The following CLDN14 variants were observed in gnomAD, a reference collection of about 807,000 sequenced individuals.
CLDN14 encodes claudin 14.
Under a neutral mutation model 2.1 loss-of-function variants are expected in CLDN14, and 2 were observed. That is an observed-to-expected ratio of 0.96 (90% CI 0.39 to 3.01). CLDN14 has a LOEUF of 3.01. Ranked by LOEUF, CLDN14 falls within the 30% of genes most tolerant of loss-of-function variation. CLDN14 has a pLI of 0.09. For missense variants in CLDN14, 298 were observed against 328.0 expected, an observed-to-expected ratio of 0.91 and a Z score of 0.71; for synonymous variants, 136 against 154.4, an observed-to-expected ratio of 0.88 and a Z score of 0.88.
Position 36,528,650 on chromosome 21 carries a change from G to A in CLDN14, c.-219-18150C>T, listed in dbSNP as rs1473045515. 3.3e-5 allele frequency among the ~76,000 whole-genome samples: 5 copies of A among 152,140 alleles called. No homozygotes were observed. In the East Asian group the frequency reaches 9.6e-4, roughly 29 times the overall value. ...GGGGTATGTGGGTCCCTGAGTCTTC[G>A]GTCCATGCAAGGGGCATCTGTCCCT... On this transcript the variant is annotated intron_variant, in intron 1 of 2. Coordinates refer to the CLDN14 transcript ENST00000342108.
intron 1 of CLDN14, among the ~76,000 whole-genome samples, chr21:36,529,907 C>T (rs1038202181): frequency 1.3e-5 from 2 of 152,062 alleles, no homozygotes; most frequent in Admixed American, 6.5e-5. Context: ...ATGCTAATAT[C>T]GGAGCTAGCA....
intron 2 of CLDN14, among the ~76,000 whole-genome samples, chr21:36,489,131 A>ATATATAT (rs1555847002): frequency 8.8e-4 from 55 of 62,752 alleles, no homozygotes; most frequent in East Asian, 2.4e-3. Context: ...AAAAAAAAAA[A>ATATATAT]ATATATATAT....
intron 1 of CLDN14, among the ~76,000 whole-genome samples, chr21:36,538,598 G>A (rs1765768908): frequency 6.6e-6 from 1 of 151,212 alleles, no homozygotes; most frequent in African/African-American, 2.4e-5. Flanking sequence ...AGGTGACAGA[G>A]CGAGACATCG....
At chr21:36,493,412 C>A (rs1157804307) in intron 2 of CLDN14, among the ~76,000 whole-genome samples, 2 of 152,142 alleles carry the variant, frequency 1.3e-5, no homozygotes, top group Non-Finnish European at 2.9e-5. Context: ...ATGTTCTCAG[C>A]AAGACAGGGT....
intron 1 of CLDN14, among the ~76,000 whole-genome samples, chr21:36,536,229 T>A (rs1322300663): frequency 6.6e-6 from 1 of 152,204 alleles, no homozygotes; most frequent in Non-Finnish European, 1.5e-5. Context: ...CCAGCTGACA[T>A]CTGCCTGTAC....
intron 1 of CLDN14, among the ~76,000 whole-genome samples, chr21:36,552,144 G>T (rs917888042): frequency 1.3e-5 from 2 of 152,220 alleles, no homozygotes; most frequent in African/African-American, 4.8e-5. Flanking sequence ...TGAGCCAAAG[G>T]CAGGAAAACT....
chr21:36,480,174 T>A (rs1419674656), upstream of CLDN14: 1 of 152,300 alleles, frequency 6.6e-6, no homozygotes, highest in African/African-American at 2.4e-5. Flanking sequence ...CCTAGATGCA[T>A]GCTGGTCGAT....
intron 1 of CLDN14, among the ~76,000 whole-genome samples, chr21:36,563,647 G>A (rs1364321645): frequency 6.6e-6 from 1 of 152,168 alleles, no homozygotes; most frequent in Admixed American, 6.5e-5. Context: ...TTGATTTTAT[G>A]TAGGAAACGA....
chr21:36,537,838 C>T (rs4817807), intron 1 of CLDN14, among the ~76,000 whole-genome samples: 73,042 of 151,814 alleles, frequency 0.48, 19,664 homozygotes, highest in Middle Eastern at 0.63. Flanking sequence ...TTAGTAAAGA[C>T]GGGGTTTCAC....
intron 1 of CLDN14, among the ~76,000 whole-genome samples, chr21:36,521,847 C>T (rs1229322509): frequency 6.6e-6 from 1 of 152,114 alleles, no homozygotes; most frequent in Non-Finnish European, 1.5e-5. Context: ...GTTCCCTGTC[C>T]CTTCACTCTC....
Position 36,464,374 on chromosome 21 carries a change from G to A in CLDN14, c.-81-2598C>T, listed in dbSNP as rs566891307. Among the ~76,000 whole-genome samples, 61 of 152,308 alleles carry A rather than the reference G, an allele frequency of 4.0e-4. 3 individuals carry two copies. The South Asian group carries it at 0.011, about 27-fold the overall frequency. The stretch of plus-strand genomic sequence containing the variant: ...CATTGCGAGAACGGACTGATACACC[G>A]AGTATTTTTCTGCTGCTGTTTTTCT... On this transcript the variant is annotated intron_variant, in intron 1 of 1. Coordinates refer to ENST00000399135, the MANE Select transcript of CLDN14 (RefSeq NM_001146079.2).
chr21:36,482,313 AG>A (rs1400408296), upstream of CLDN14, among the ~76,000 whole-genome samples: 2 of 150,912 alleles, frequency 1.3e-5, no homozygotes, highest in African/African-American at 4.8e-5. Context: ...GATGGAAGTT[AG>A]TCAATGTTTC....
chr21:36,539,930 TGTGTGTGGAGTGA>T (rs1387112938), intron 1 of CLDN14, among the ~76,000 whole-genome samples: 1 of 151,714 alleles, frequency 6.6e-6, no homozygotes, highest in African/African-American at 2.4e-5. Flanking sequence ...CTGTGGAGTG[TGTGTGTGGAGTGA>T]GTGTATGTGT....
At position 36,498,315 on chromosome 21, in the gene CLDN14, G is replaced by C. The variant is rs1404564030; in HGVS notation, c.-82+12048C>G. The stretch of plus-strand genomic sequence containing the variant: ...TGCGCCCAGACAGGAAGATGCGTTT[G>C]TGAGCCGGGACAATTGTGAGTGGAA... On this transcript the variant is annotated intron_variant, in intron 2 of 2. Transcript: ENST00000342108. This position sits in a 1 kb window ranked among gnomAD's most constrained non-coding sequence, Gnocchi z 4.9. Among the ~76,000 whole-genome samples, 7 of 152,086 alleles carry C rather than the reference G, an allele frequency of 4.6e-5. No individual in the cohort carries two copies. Among genetic ancestry groups the C allele is most frequent in the African/African-American group, 1.7e-4 (7 of 41,416 alleles).
At chr21:36,546,040 G>A (rs1397514332) in intron 1 of CLDN14, among the ~76,000 whole-genome samples, 1 of 152,126 alleles carries the variant, frequency 6.6e-6, no homozygotes, top group Non-Finnish European at 1.5e-5. Flanking sequence ...CTGTAACCTG[G>A]GACTTATTAA....
chr21:36,567,184 G>A (rs972256753), intron 1 of CLDN14, among the ~76,000 whole-genome samples: 2 of 152,222 alleles, frequency 1.3e-5, no homozygotes, highest in Non-Finnish European at 2.9e-5. Flanking sequence ...CCTGCCTCAC[G>A]TTGGAGCTTT....
chr21:36,463,308 C>T (rs2146416201), intron 1 of CLDN14, among the ~76,000 whole-genome samples: 1 of 152,374 alleles, frequency 6.6e-6, no homozygotes, highest in East Asian at 1.9e-4. Flanking sequence ...AATCAGTAGG[C>T]AAAACCTGCT....
intron 1 of CLDN14, among the ~76,000 whole-genome samples, chr21:36,533,854 G>A (rs149399616): frequency 6.6e-6 from 1 of 152,244 alleles, no homozygotes; most frequent in East Asian, 1.9e-4. Flanking sequence ...GTGAAGGGTG[G>A]GAGGAGGGAG....
At chr21:36,506,306 A>G (rs1010987585) in intron 2 of CLDN14, among the ~76,000 whole-genome samples, 1 of 152,216 alleles carries the variant, frequency 6.6e-6, no homozygotes, top group African/African-American at 2.4e-5. Context: ...TGTAAACAAG[A>G]ACAAATGCAG....
Sources: gnomAD v4.1 joint callset for allele counts (sites outside exome capture counted in the v4.1 genomes callset) on GRCh38, gnomAD v4.1.1 for gene constraint, Gnocchi (gnomAD v3.1) non-coding constraint, MANE v1.5 for transcripts, NCBI Gene and HGNC (gene_info 2026-07-23, HGNC 2026-07-21) for gene names.